ZNF385D: variants seen among roughly 807,000 people sequenced by gnomAD.
The protein encoded by ZNF385D is zinc finger protein 659.
In ZNF385D, 15 loss-of-function variants were observed where a neutral mutation model predicts 35.8. The ratio of observed to expected loss-of-function variants is 0.42; its 90% CI spans 0.28 to 0.64. The LOEUF (loss-of-function observed/expected upper bound fraction) is 0.64. Ranked by LOEUF, ZNF385D falls within the 30% of genes least tolerant of loss-of-function variation. ZNF385D has a pLI of 0.23. For synonymous variants in ZNF385D, 212 were observed against 186.8 expected, an observed-to-expected ratio of 1.13 and a Z score of -1.10; for missense variants, 474 against 494.6, an observed-to-expected ratio of 0.96 and a Z score of 0.39.
At chr3:22,349,960 G>A (rs1695841689) in intron 2 of ZNF385D, among the ~76,000 whole-genome samples, 1 of 152,116 alleles carries the variant, frequency 6.6e-6, no homozygotes, top group South Asian at 2.1e-4. Context: ...TAATAATAAT[G>A]CAATGCATAA....
At chr3:21,774,990 C>T (rs932600693) in intron 3 of ZNF385D, among the ~76,000 whole-genome samples, 22 of 151,804 alleles carry the variant, frequency 1.4e-4, no homozygotes, top group Non-Finnish European at 2.7e-4. Flanking sequence ...CATTTGTCAA[C>T]CACTGCAGTT....
chr3:22,365,563 A>G (rs1696620064), intron 2 of ZNF385D, among the ~76,000 whole-genome samples: 1 of 152,082 alleles, frequency 6.6e-6, no homozygotes, highest in Non-Finnish European at 1.5e-5. Context: ...AGAGTCTTCT[A>G]TGGTATGAAA....
At chr3:21,634,117 A>C (rs547051215) in intron 2 of ZNF385D, among the ~76,000 whole-genome samples, 1 of 151,982 alleles carries the variant, frequency 6.6e-6, no homozygotes, top group African/African-American at 2.4e-5. Context: ...GAATCACTTG[A>C]GTCCAGGAGG....
At chr3:21,752,344 T>C (rs1181406043), upstream of ZNF385D, among the ~76,000 whole-genome samples, 1 of 152,172 alleles carries the variant, frequency 6.6e-6, no homozygotes. Flanking sequence ...CAAAGAACTG[T>C]AGTCTATGGA....
intron 3 of ZNF385D, among the ~76,000 whole-genome samples, chr3:22,165,287 T>C (rs943071874): frequency 6.6e-6 from 1 of 152,192 alleles, no homozygotes; most frequent in Non-Finnish European, 1.5e-5. Context: ...TTCCACTCAG[T>C]TATGCTTGAA....
At chr3:21,761,743 T>A (rs2125586963) in intron 3 of ZNF385D, among the ~76,000 whole-genome samples, 1 of 118,718 alleles carries the variant, frequency 8.4e-6, no homozygotes. Context: ...CAGATCCAAT[T>A]TTCTCATTGG....
intron 3 of ZNF385D, among the ~76,000 whole-genome samples, chr3:21,543,485 G>C (rs1447262235): frequency 6.6e-6 from 1 of 152,148 alleles, no homozygotes; most frequent in Non-Finnish European, 1.5e-5. Context: ...CACTCCTTGC[G>C]GGGCTGGGAT....
intron 3 of ZNF385D, among the ~76,000 whole-genome samples, chr3:22,070,998 A>T (rs1057361089): frequency 5.3e-5 from 8 of 152,262 alleles, no homozygotes; most frequent in African/African-American, 1.9e-4. Flanking sequence ...AAATTGAAAG[A>T]TTTTTACCTG....
At chr3:21,965,333 G>C (rs978024385) in intron 3 of ZNF385D, among the ~76,000 whole-genome samples, 1 of 152,122 alleles carries the variant, frequency 6.6e-6, no homozygotes, top group African/African-American at 2.4e-5. Context: ...CAATTACTGA[G>C]TACTTACTGT....
chr3:22,326,236 A>C (rs1694671658), intron 2 of ZNF385D, among the ~76,000 whole-genome samples: 2 of 152,214 alleles, frequency 1.3e-5, no homozygotes, highest in Non-Finnish European at 1.5e-5. Context: ...GAATGTCTCC[A>C]TTGTAATCAA....
chr3:21,636,100 T>C (rs1214896198), intron 2 of ZNF385D, among the ~76,000 whole-genome samples: 1 of 151,970 alleles, frequency 6.6e-6, no homozygotes, highest in Admixed American at 6.6e-5. Context: ...AATCAAATAG[T>C]AGTTCTACTT....
chr3:22,018,065 A>G (rs1696995923), intron 3 of ZNF385D, among the ~76,000 whole-genome samples: 1 of 151,856 alleles, frequency 6.6e-6, no homozygotes, highest in Non-Finnish European at 1.5e-5. Context: ...TTTGAAAATA[A>G]TAATTAATTA....
intron 2 of ZNF385D, among the ~76,000 whole-genome samples, chr3:22,367,978 G>C (rs187905691): frequency 6.6e-6 from 1 of 152,128 alleles, no homozygotes; most frequent in Non-Finnish European, 1.5e-5. Context: ...GATCAGTACT[G>C]TTTCCTGAAA....
chr3:21,490,504 T>C (rs1399523652), intron 4 of ZNF385D, among the ~76,000 whole-genome samples: 7 of 152,110 alleles, frequency 4.6e-5, no homozygotes, highest in East Asian at 3.9e-4. Flanking sequence ...TCTCAACCAA[T>C]AGAGTATGAT....
intron 2 of ZNF385D, among the ~76,000 whole-genome samples, chr3:21,569,984 C>T (rs1232036530): frequency 1.8e-4 from 26 of 147,620 alleles, no homozygotes; most frequent in African/African-American, 3.3e-4. Flanking sequence ...GTGCAGCACA[C>T]CAGCATGGCA....
chr3:21,560,956 C>T (rs1436137861), intron 3 of ZNF385D, among the ~76,000 whole-genome samples: 1 of 152,120 alleles, frequency 6.6e-6, no homozygotes, highest in Admixed American at 6.5e-5. Context: ...TGAGGGTATA[C>T]CTCCTACTCA....
At chr3:21,616,104 C>A (rs2064838726) in intron 2 of ZNF385D, among the ~76,000 whole-genome samples, 1 of 151,936 alleles carries the variant, frequency 6.6e-6, no homozygotes, top group South Asian at 2.1e-4. Context: ...TACCTTAAGG[C>A]TAACCTTCCC....
intron 3 of ZNF385D, among the ~76,000 whole-genome samples, chr3:22,004,942 CTGAGACT>C (rs1696101415): frequency 6.6e-6 from 1 of 151,094 alleles, no homozygotes; most frequent in South Asian, 2.1e-4. Flanking sequence ...TCAGGACTTC[CTGAGACT>C]TTTCACAGAT....
chr3:21,446,514 GAC>G (rs1330375012), intron 4 of ZNF385D, among the ~76,000 whole-genome samples: 1 of 29,032 alleles, frequency 3.4e-5, no homozygotes, highest in African/African-American at 2.5e-4. Context: ...TTTTTTTTGA[GAC>G]AGAGTCTCAC....
Sources: allele counts gnomAD v4.1 joint callset (sites outside exome capture counted in the v4.1 genomes callset), GRCh38; gene constraint gnomAD v4.1.1; transcripts MANE v1.5; gene names NCBI Gene and HGNC (gene_info 2026-07-23, HGNC 2026-07-21).